SYT14: variants seen among roughly 807,000 people sequenced by gnomAD.
SYT14 encodes the protein synaptotagmin 14.
SYT14 carries 32 observed loss-of-function variants against 74.2 expected under a neutral mutation model. That is an observed-to-expected ratio of 0.43 (90% CI 0.33 to 0.58). The LOEUF is 0.58. SYT14 is among the 20% of genes least tolerant of loss of function. The pLI, the probability that SYT14 is intolerant of heterozygous loss-of-function variation, is 0.05. For missense variants in SYT14, 791 were observed against 981.8 expected (o/e 0.81, Z 2.60); for synonymous variants, 298 against 337.7 (o/e 0.88, Z 1.29).
intron 7 of SYT14, among the ~76,000 whole-genome samples, chr1:210,150,844 T>C (rs1404660668): frequency 6.6e-6 from 1 of 152,178 alleles, no homozygotes; most frequent in Non-Finnish European, 1.5e-5. Context: ...TTAATATTAA[T>C]AAAAAGCCCA....
chr1:210,034,583 C>T (rs1265913380), intron 5 of SYT14, among the ~76,000 whole-genome samples: 1 of 151,532 alleles, frequency 6.6e-6, no homozygotes, highest in Non-Finnish European at 1.5e-5. Context: ...TCATCCCTCA[C>T]CCACCCACTT....
chr1:210,132,734 A>G (rs1238017952), intron 7 of SYT14, among the ~76,000 whole-genome samples: 1 of 152,110 alleles, frequency 6.6e-6, no homozygotes, highest in East Asian at 1.9e-4. Flanking sequence ...TTGCAACTAG[A>G]TATAATTTTT....
intron 1 of SYT14, among the ~76,000 whole-genome samples, chr1:209,948,709 C>G (rs2078861454): frequency 6.6e-6 from 1 of 151,998 alleles, no homozygotes. Context: ...TGACAATTAA[C>G]TAGTGACCTT....
Position 210,035,583 on chromosome 1 carries a change from A to G in SYT14, c.1312+14329A>G, listed in dbSNP as rs369879937. Among the ~76,000 whole-genome samples, 273 of 151,900 alleles carry G rather than the reference A, an allele frequency of 1.8e-3. 1 individual carries two copies. Among genetic ancestry groups the G allele is most frequent in the African/African-American group, 6.4e-3 (264 of 41,470 alleles). Reference sequence around the variant, plus strand: ...TAAGTATTTAATCCATCTTGAGATAATTTTTTTATGTCATGAGGGATAGGG... The same window carrying G: ...TAAGTATTTAATCCATCTTGAGATAGTTTTTTTATGTCATGAGGGATAGGG... On this transcript the variant is annotated intron_variant, in intron 5 of 9. Transcript: ENST00000637265.
chr1:210,015,959 G>A (rs554116021), exon 4 of SYT14: 1 of 1,231,592 alleles, frequency 8.1e-7, no homozygotes, highest in African/African-American at 1.5e-5. Flanking sequence ...ATTTTCAGAA[G>A]AGAAAATTCC....
intron 2 of SYT14, among the ~76,000 whole-genome samples, chr1:210,010,114 A>G (rs1037335257): frequency 1.3e-5 from 2 of 152,166 alleles, no homozygotes; most frequent in African/African-American, 4.8e-5. Flanking sequence ...ACTTGCTACC[A>G]TATTTCAGTT....
At chr1:210,124,545 C>T (rs113694593) in intron 7 of SYT14, among the ~76,000 whole-genome samples, 1,620 of 152,132 alleles carry the variant, frequency 0.011, 36 homozygotes, top group African/African-American at 0.037. Context: ...AAAGAAAATC[C>T]GGAAAGACCC....
intron 5 of SYT14, among the ~76,000 whole-genome samples, chr1:210,074,150 G>A (rs1464536774): frequency 1.3e-5 from 2 of 152,094 alleles, no homozygotes; most frequent in African/African-American, 4.8e-5. Flanking sequence ...ACCTCAGGGG[G>A]TTACTGTATT....
chr1:210,157,746 A>T (rs1282510244), intron 8 of SYT14, among the ~76,000 whole-genome samples: 1 of 151,676 alleles, frequency 6.6e-6, no homozygotes, highest in African/African-American at 2.4e-5. Flanking sequence ...ATCTAAAAAA[A>T]TAAAAATAAA....
At chr1:210,081,703 A>G (rs564198079) in intron 5 of SYT14, among the ~76,000 whole-genome samples, 1 of 152,306 alleles carries the variant, frequency 6.6e-6, no homozygotes, top group South Asian at 2.1e-4. Context: ...TATAGAATAA[A>G]CACAGTTGGA....
exon 10 of SYT14, chr1:210,161,872 A>G (rs937981940): frequency 1.1e-5 from 5 of 450,702 alleles, no homozygotes; most frequent in African/African-American, 8.0e-5. Flanking sequence ...TTTACTTTCA[A>G]ATTTCTTTCA....
chr1:210,156,975 T>C, intron 8 of SYT14: 1 of 239,002 alleles, frequency 4.2e-6, no homozygotes, highest in South Asian at 4.2e-5. Flanking sequence ...ATTACAGGCG[T>C]GAGCCACTGC....
chr1:210,104,765 C>CA (rs1243375482), intron 7 of SYT14, among the ~76,000 whole-genome samples: 3 of 152,182 alleles, frequency 2.0e-5, no homozygotes, highest in African/African-American at 7.2e-5. Context: ...CAAACATACA[C>CA]ACAACCCTTC....
intron 5 of SYT14, among the ~76,000 whole-genome samples, chr1:210,078,106 C>T (rs1007245475): frequency 6.6e-6 from 1 of 151,870 alleles, no homozygotes; most frequent in African/African-American, 2.4e-5. Context: ...GTCAAGAGAT[C>T]GAGACCATCC....
exon 10 of SYT14, chr1:210,162,662 G>C (rs2083396947): frequency 2.2e-6 from 1 of 444,998 alleles, no homozygotes. Context: ...TTGTAAACTA[G>C]AACTTGTTAT....
chr1:210,119,928 G>A (rs902598977), intron 7 of SYT14, among the ~76,000 whole-genome samples: 1 of 152,118 alleles, frequency 6.6e-6, no homozygotes, highest in African/African-American at 2.4e-5. Flanking sequence ...TATTAGTTGC[G>A]TCTCTGAGAT....
intron 5 of SYT14, among the ~76,000 whole-genome samples, chr1:210,093,927 G>A (rs566964194): frequency 6.6e-6 from 1 of 152,164 alleles, no homozygotes; most frequent in African/African-American, 2.4e-5. Flanking sequence ...TATTATGTTT[G>A]TTTTTCCAAC....
At position 210,006,510 on chromosome 1, in the gene SYT14, T is replaced by C. The variant is rs541993957; in HGVS notation, c.-485-7123T>C. 1.9e-4 allele frequency among the ~76,000 whole-genome samples: 29 copies of C among 152,048 alleles called. No individual in the cohort carries two copies. The East Asian group carries it at 5.4e-3, about 28-fold the overall frequency. On this transcript the variant is annotated intron_variant, in intron 2 of 9. Coordinates refer to ENST00000637265, the Ensembl canonical transcript of SYT14. ...ACAGGTATATCTTTTTCAATGAAAG[T>C]TGACTTTGATAGTTCACATTTTGGT...
chr1:210,167,544 C>T (rs1176243974), exon 10 of SYT14: 1 of 152,122 alleles, frequency 6.6e-6, no homozygotes, highest in African/African-American at 2.4e-5. Flanking sequence ...TGTATTAACA[C>T]ATTTTACATT....
Sources: gnomAD v4.1 joint callset for allele counts (sites outside exome capture counted in the v4.1 genomes callset) on GRCh38, gnomAD v4.1.1 for gene constraint, MANE v1.5 for transcripts, NCBI Gene and HGNC (gene_info 2026-07-23, HGNC 2026-07-21) for gene names.